The following MGAT4C variants were observed in gnomAD, a reference collection of about 807,000 sequenced individuals.
The protein encoded by MGAT4C is MGAT4 family member C, also known as alpha-1,3-mannosyl-glycoprotein 4-beta-N-acetylglucosaminyltransferase C.
In MGAT4C, 19 loss-of-function variants were observed where a neutral mutation model predicts 40.1. The observed-to-expected ratio is 0.47, with a 90% CI of 0.33 to 0.70. MGAT4C has a LOEUF of 0.70. Among genes scored for constraint, MGAT4C ranks in the 30% least tolerant of loss-of-function variants. The probability of loss-of-function intolerance (pLI) is 0.02; values close to 1 mark genes in which losing one functional copy is unlikely to be tolerated. For synonymous variants in MGAT4C, 181 were observed against 187.1 expected, an observed-to-expected ratio of 0.97 and a Z score of 0.27; for missense variants, 491 against 563.2, an observed-to-expected ratio of 0.87 and a Z score of 1.30.
In MGAT4C at chr12:86,108,881, C is replaced by T. The variant is rs552830973; in HGVS notation, c.-56-59158G>A. Among the ~76,000 whole-genome samples, 55 of 152,222 alleles carry T rather than the reference C, an allele frequency of 3.6e-4. 1 individual carries two copies. Among genetic ancestry groups the T allele is most frequent in the South Asian group, 1.7e-3 (8 of 4,828 alleles). On this transcript the variant is annotated intron_variant, in intron 1 of 4. Coordinates refer to ENST00000611864, the MANE Select transcript of MGAT4C (RefSeq NM_001351288.2). ...CCTGCTCCTTCAAAGTGTCTGTCTTCGGTCTTCACCGGAGACACACTTCCC... is the reference window on the plus strand; with the variant it reads ...CCTGCTCCTTCAAAGTGTCTGTCTTTGGTCTTCACCGGAGACACACTTCCC...
chr12:86,569,345 C>T (rs1258405264), intron 2 of MGAT4C, among the ~76,000 whole-genome samples: 1 of 151,908 alleles, frequency 6.6e-6, no homozygotes, highest in Non-Finnish European at 1.5e-5. Context: ...AGCAGAAAAC[C>T]AAATAACCCC....
chr12:86,604,226 G>T (rs1382594069), intron 2 of MGAT4C, among the ~76,000 whole-genome samples: 1 of 152,012 alleles, frequency 6.6e-6, no homozygotes, highest in Non-Finnish European at 1.5e-5. Flanking sequence ...AGTTGGGCTT[G>T]GGAGAACTTC....
intron 1 of MGAT4C, among the ~76,000 whole-genome samples, chr12:86,732,594 T>A (rs1236033143): frequency 6.6e-6 from 1 of 152,006 alleles, no homozygotes; most frequent in African/African-American, 2.4e-5. Flanking sequence ...GAGTTCGGAC[T>A]CCTGTGAGAC....
intron 4 of MGAT4C, among the ~76,000 whole-genome samples, chr12:86,298,232 A>C: frequency 6.6e-6 from 1 of 152,186 alleles, no homozygotes; most frequent in East Asian, 1.9e-4. Context: ...GTAAAAATCT[A>C]AATGGTTAAT....
intron 1 of MGAT4C, among the ~76,000 whole-genome samples, chr12:86,162,616 T>C (rs1424822403): frequency 6.6e-6 from 1 of 152,150 alleles, no homozygotes; most frequent in Non-Finnish European, 1.5e-5. Context: ...AATCTATACA[T>C]GTACTCCCTG....
intron 1 of MGAT4C, among the ~76,000 whole-genome samples, chr12:86,169,053 C>T (rs1300505150): frequency 6.6e-6 from 1 of 152,068 alleles, no homozygotes; most frequent in African/African-American, 2.4e-5. Flanking sequence ...ATGTCAAAGT[C>T]TCTTGATAAA....
At chr12:86,424,677 T>C (rs1956891885) in intron 3 of MGAT4C, among the ~76,000 whole-genome samples, 1 of 152,228 alleles carries the variant, frequency 6.6e-6, no homozygotes, top group Admixed American at 6.5e-5. Flanking sequence ...TAATCTCATA[T>C]GCCAAGCACT....
At chr12:86,534,459 C>G (rs1959037928) in intron 2 of MGAT4C, among the ~76,000 whole-genome samples, 1 of 152,086 alleles carries the variant, frequency 6.6e-6, no homozygotes, top group South Asian at 2.1e-4. Flanking sequence ...TGAAATCAAA[C>G]TGTACACCAA....
rs558347774 is a variant in MGAT4C, at chr12:86,507,767, A to G, written c.-228-72502T>C. ...AGTTTACTGAATCTTTGAGCAAAAC[A>G]GCTAAATCAGTACTTCTTTAAAATT... On this transcript the variant is annotated intron_variant, in intron 2 of 7. Transcript: ENST00000548651. Among the ~76,000 whole-genome samples, 53 of 152,334 alleles carry G rather than the reference A, an allele frequency of 3.5e-4. 1 individual carries two copies. The highest frequency in any genetic ancestry group is 1.3e-3 in the African/African-American group (52 of 41,580).
At chr12:86,804,126 T>C (rs1471338503) in intron 1 of MGAT4C, among the ~76,000 whole-genome samples, 1 of 151,128 alleles carries the variant, frequency 6.6e-6, no homozygotes, top group Admixed American at 6.6e-5. Flanking sequence ...GGGACATGGA[T>C]GAAATTGGAA....
At chr12:86,026,341 C>T (rs1187344362) in intron 2 of MGAT4C, among the ~76,000 whole-genome samples, 2 of 151,730 alleles carry the variant, frequency 1.3e-5, no homozygotes, top group African/African-American at 4.8e-5. Flanking sequence ...CACACACACA[C>T]AGACACACAC....
At chr12:86,035,752 T>C (rs970574643) in intron 2 of MGAT4C, among the ~76,000 whole-genome samples, 4 of 150,070 alleles carry the variant, frequency 2.7e-5, no homozygotes, top group African/African-American at 9.7e-5. Flanking sequence ...TTAATTTTTA[T>C]ATAAGGTGTA....
At chr12:86,107,054 A>G (rs886311321) in intron 1 of MGAT4C, among the ~76,000 whole-genome samples, 1 of 152,158 alleles carries the variant, frequency 6.6e-6, no homozygotes, top group African/African-American at 2.4e-5. Context: ...GATCTGAAAC[A>G]TAAGTGTTTT....
intron 2 of MGAT4C, among the ~76,000 whole-genome samples, chr12:86,721,101 T>C (rs1950729087): frequency 6.6e-6 from 1 of 152,140 alleles, no homozygotes; most frequent in Non-Finnish European, 1.5e-5. Flanking sequence ...GAATGGTTAT[T>C]GACTCATGCT....
At chr12:86,205,835 C>T (rs1950229055) in intron 1 of MGAT4C, among the ~76,000 whole-genome samples, 1 of 151,980 alleles carries the variant, frequency 6.6e-6, no homozygotes, top group African/African-American at 2.4e-5. Context: ...AAACTCCCTA[C>T]AATGGTACTT....
At chr12:86,686,038 TA>T (rs1950066476) in intron 2 of MGAT4C, among the ~76,000 whole-genome samples, 4 of 45,022 alleles carry the variant, frequency 8.9e-5, no homozygotes, top group South Asian at 9.2e-4. Flanking sequence ...AATTTTATTT[TA>T]ATTTTTTTTT....
intron 1 of MGAT4C, among the ~76,000 whole-genome samples, chr12:86,823,148 A>C (rs547202126): frequency 5.2e-4 from 78 of 151,202 alleles, no homozygotes; most frequent in African/African-American, 1.8e-3. Flanking sequence ...AAGTTTATTG[A>C]GATAAATACC....
chr12:86,801,924 T>C (rs1050459970), intron 1 of MGAT4C, among the ~76,000 whole-genome samples: 2 of 151,942 alleles, frequency 1.3e-5, no homozygotes, highest in African/African-American at 4.8e-5. Context: ...ATGGGAATTT[T>C]TTTAAACCTT....
intron 4 of MGAT4C, among the ~76,000 whole-genome samples, chr12:86,325,796 G>A (rs1428010570): frequency 1.3e-5 from 2 of 152,068 alleles, no homozygotes; most frequent in Admixed American, 1.3e-4. Flanking sequence ...AGGGTCACCT[G>A]AGCCCAGGAG....
Sources: gnomAD v4.1 joint callset for allele counts (sites outside exome capture counted in the v4.1 genomes callset) on GRCh38, gnomAD v4.1.1 for gene constraint, MANE v1.5 for transcripts, NCBI Gene and HGNC (gene_info 2026-07-23, HGNC 2026-07-21) for gene names.